Variants in BNIP3L observed in about 807,000 individuals in gnomAD.
BNIP3L encodes BCL2 interacting protein 3 like.
In BNIP3L, 10 loss-of-function variants were observed where a neutral mutation model predicts 25.5. The observed-to-expected ratio is 0.39, with a 90% CI of 0.24 to 0.67. The LOEUF is 0.67. Ranked by LOEUF, BNIP3L falls within the 30% of genes least tolerant of loss-of-function variation. The pLI, the probability that BNIP3L is intolerant of heterozygous loss-of-function variation, is 0.45. For synonymous variants in BNIP3L, 113 were observed against 101.2 expected, an observed-to-expected ratio of 1.12 and a Z score of -0.70; for missense variants, 215 against 270.9, an observed-to-expected ratio of 0.79 and a Z score of 1.45.
chr8:26,409,440 C>T (rs1309270580), intron 5 of BNIP3L, among the ~76,000 whole-genome samples: 2 of 152,156 alleles, frequency 1.3e-5, no homozygotes, highest in African/African-American at 4.8e-5. Context: ...TTAGTCACGA[C>T]CTCAGAAACT....
Position 26,412,650 on chromosome 8 carries a change from G to A in BNIP3L, c.*2238G>A, listed in dbSNP as rs746760106. On this transcript the variant is annotated 3_prime_UTR_variant, in exon 6 of 6. Coordinates refer to ENST00000380629, the MANE Select transcript of BNIP3L (RefSeq NM_004331.3). ...TGTAGCCCTAACACATGGGATGAAC[G>A]TTTTACTGCTACACCCAGATTTGTG... 1 of 152,580 alleles carries A rather than the reference G, an allele frequency of 6.6e-6. No individual in the cohort carries two copies. Among genetic ancestry groups the A allele is most frequent in the Non-Finnish European group, 1.5e-5 (1 of 68,026 alleles). 9.5% of individuals were successfully genotyped at this position (152,580 alleles called of 1,614,324 possible).
chr8:26,385,099 C>A (rs888832336), intron 1 of BNIP3L, among the ~76,000 whole-genome samples: 2 of 152,086 alleles, frequency 1.3e-5, no homozygotes, highest in African/African-American at 4.8e-5. Context: ...TGGTGCAGAA[C>A]CTCCTGCTGG....
chr8:26,391,334 C>T lies in BNIP3L; in HGVS notation c.192C>T (p.Ser64=), dbSNP rs1381492192. 7 of 1,611,626 alleles carry T rather than the reference C, an allele frequency of 4.3e-6. No individual in the cohort carries two copies. Among genetic ancestry groups the T allele is most frequent in the Non-Finnish European group, 5.9e-6 (7 of 1,179,116 alleles). ...NGGLEHVPSS[S]SIHNGDMEKI... ...GGCTGGAACACGTACCATCCTCATC[C>T]TCCATCCACAATGGAGACATGGAGA... is the stretch of plus-strand genomic sequence containing the variant. The change falls in exon 2 of 6, where the codon TCC becomes TCT. Residue 64 remains serine, a synonymous_variant. Coordinates refer to ENST00000380629, the MANE Select transcript of BNIP3L (RefSeq NM_004331.3).
At chr8:26,394,565 A>G (rs921086474) in intron 2 of BNIP3L, among the ~76,000 whole-genome samples, 2 of 152,212 alleles carry the variant, frequency 1.3e-5, no homozygotes, top group Non-Finnish European at 2.9e-5. Context: ...ATTTTCTATA[A>G]ACCCTCCAAG....
At chr8:26,389,301 C>T (rs944798986) in intron 1 of BNIP3L, among the ~76,000 whole-genome samples, 1 of 152,120 alleles carries the variant, frequency 6.6e-6, no homozygotes. Flanking sequence ...TTCTCTCCCC[C>T]ACCCCCTTTC....
chr8:26,392,142 G>C (rs1806126804), intron 2 of BNIP3L, among the ~76,000 whole-genome samples: 1 of 151,250 alleles, frequency 6.6e-6, no homozygotes, highest in Admixed American at 6.6e-5. Context: ...AATGAAACCA[G>C]GTCATTATTT....
chr8:26,398,714 G>GATAGA (rs1411258603), intron 3 of BNIP3L, among the ~76,000 whole-genome samples: 1 of 145,176 alleles, frequency 6.9e-6, no homozygotes, highest in Non-Finnish European at 1.5e-5. Flanking sequence ...CAACAAAATT[G>GATAGA]ATAGACCGCT....
intron 1 of BNIP3L, among the ~76,000 whole-genome samples, chr8:26,384,727 ATTTTTTTTTTTT>A (rs10598657): frequency 4.1e-5 from 4 of 97,144 alleles, no homozygotes; most frequent in African/African-American, 2.0e-4. Flanking sequence ...TTTTGAGGAC[ATTTTTTTTTTTT>A]TTTTTTTTTT....
intron 1 of BNIP3L, among the ~76,000 whole-genome samples, chr8:26,384,650 C>T (rs900017572): frequency 1.3e-5 from 2 of 151,694 alleles, no homozygotes; most frequent in Non-Finnish European, 2.9e-5. Flanking sequence ...GAGTAAATGG[C>T]CTTGTCCAAG....
chr8:26,388,890 T>C (rs1806047445), intron 1 of BNIP3L, among the ~76,000 whole-genome samples: 1 of 152,134 alleles, frequency 6.6e-6, no homozygotes. Context: ...CTTGGGAGGC[T>C]GAGGTGGGAG....
At chr8:26,403,083 CA>C (rs1331464826) in intron 3 of BNIP3L, among the ~76,000 whole-genome samples, 1 of 152,096 alleles carries the variant, frequency 6.6e-6, no homozygotes, top group Non-Finnish European at 1.5e-5. Flanking sequence ...TTCTCAGGAC[CA>C]AATCCCTAAA....
At chr8:26,392,887 G>C (rs1242793194) in intron 2 of BNIP3L, among the ~76,000 whole-genome samples, 1 of 139,898 alleles carries the variant, frequency 7.1e-6, no homozygotes, top group African/African-American at 2.5e-5. Context: ...AATGAGCAGA[G>C]AACAGTCACC....
chr8:26,407,977 A>G (rs1447702945), intron 3 of BNIP3L, 23 bp from the exon 4 acceptor site: 3 of 1,600,308 alleles, frequency 1.9e-6, no homozygotes, highest in Non-Finnish European at 2.6e-6. Flanking sequence ...TTTTTTTCTT[A>G]AAGTTTGAAT....
At chr8:26,404,609 G>T (rs188167535) in intron 3 of BNIP3L, among the ~76,000 whole-genome samples, 2 of 152,328 alleles carry the variant, frequency 1.3e-5, no homozygotes, top group Non-Finnish European at 2.9e-5. Flanking sequence ...CTGTTTCCAG[G>T]TGGTTCTGCT....
At chr8:26,407,018 A>T (rs1458821743) in intron 3 of BNIP3L, among the ~76,000 whole-genome samples, 2 of 147,810 alleles carry the variant, frequency 1.4e-5, no homozygotes, top group African/African-American at 2.5e-5. Context: ...GTTGAGATGG[A>T]ATCTCACTCT....
chr8:26,405,034 G>A (rs10780141), intron 3 of BNIP3L, among the ~76,000 whole-genome samples: 146,433 of 152,300 alleles, frequency 0.96, 70,439 homozygotes, highest in East Asian at 1. Context: ...TTGTAAGTTG[G>A]GAAACTTATG....
At chr8:26,408,796 TG>T (rs1806553642) in intron 5 of BNIP3L, among the ~76,000 whole-genome samples, 1 of 145,762 alleles carries the variant, frequency 6.9e-6, no homozygotes, top group Admixed American at 7.2e-5. Flanking sequence ...CGCTTGAACA[TG>T]GGAGGCGGAA....
intron 1 of BNIP3L, among the ~76,000 whole-genome samples, chr8:26,385,236 G>C (rs1272260513): frequency 6.6e-6 from 1 of 152,136 alleles, no homozygotes; most frequent in Non-Finnish European, 1.5e-5. Context: ...CTTGGTAGGT[G>C]TACGTGATTT....
chr8:26,404,595 A>G (rs984618985), intron 3 of BNIP3L, among the ~76,000 whole-genome samples: 1 of 152,132 alleles, frequency 6.6e-6, no homozygotes, highest in Non-Finnish European at 1.5e-5. Context: ...GCTCACTGCA[A>G]CCTCTGTTTC....
Sources: allele counts gnomAD v4.1 joint callset (sites outside exome capture counted in the v4.1 genomes callset), GRCh38; gene constraint gnomAD v4.1.1; transcripts MANE v1.5; gene names NCBI Gene and HGNC (gene_info 2026-07-23, HGNC 2026-07-21).